PPP2CA: variants seen among roughly 807,000 people sequenced by gnomAD.
PPP2CA encodes the protein serine/threonine-protein phosphatase 2A catalytic subunit alpha isoform.
PPP2CA carries 5 observed loss-of-function variants against 38.8 expected under a neutral mutation model. That is an observed-to-expected ratio of 0.13 (90% CI 0.07 to 0.27). The LOEUF is 0.27. Ranked by LOEUF, PPP2CA falls within the 10% of genes least tolerant of loss-of-function variation. The pLI is 1.00. For synonymous variants in PPP2CA, 152 were observed against 134.0 expected (o/e 1.13, Z -0.93); for missense variants, 88 against 389.7 (o/e 0.23, Z 6.52).
chr5:134,200,154 A>C (rs1200320604), intron 5 of PPP2CA, among the ~76,000 whole-genome samples, 181 bp downstream of exon 5: 2 of 152,282 alleles, frequency 1.3e-5, no homozygotes, highest in Non-Finnish European at 2.9e-5. Flanking sequence ...ATTGTAATCA[A>C]AAGCTTGAGC....
intron 1 of PPP2CA, among the ~76,000 whole-genome samples, chr5:134,220,317 G>A (rs772549913): frequency 1.3e-4 from 19 of 151,500 alleles, no homozygotes; most frequent in Non-Finnish European, 2.5e-4. Flanking sequence ...AAATTAGCTG[G>A]GTGTGGTGGC....
intron 1 of PPP2CA, among the ~76,000 whole-genome samples, chr5:134,215,593 TAAAAATAAAAAA>T (rs927447223): frequency 4.0e-5 from 6 of 151,558 alleles, no homozygotes; most frequent in African/African-American, 1.5e-4. Flanking sequence ...AAAATAAAAA[TAAAAATAAAAAA>T]GTAAAAATTT....
chr5:134,222,443 A>C (rs921591816), intron 1 of PPP2CA, among the ~76,000 whole-genome samples: 24 of 152,220 alleles, frequency 1.6e-4, no homozygotes, highest in Non-Finnish European at 8.8e-5. Flanking sequence ...CTCACGTAAC[A>C]AATGTTAAAA....
At chr5:134,214,600 T>C (rs1762278146) in intron 1 of PPP2CA, among the ~76,000 whole-genome samples, 1 of 152,242 alleles carries the variant, frequency 6.6e-6, no homozygotes, top group South Asian at 2.1e-4. Context: ...TTTTCATTTC[T>C]GAGTACAAAC....
chr5:134,220,225 G>A (rs1463178036), intron 1 of PPP2CA, among the ~76,000 whole-genome samples: 1 of 151,708 alleles, frequency 6.6e-6, no homozygotes, highest in African/African-American at 2.4e-5. Flanking sequence ...TTGGGAGGCT[G>A]AGATGGGTGG....
Position 134,196,452 on chromosome 5 carries a change from TG to T in PPP2CA, c.*1319del, listed in dbSNP as rs1313153038. On this transcript the variant is annotated 3_prime_UTR_variant, in exon 7 of 7. Transcript: ENST00000481195. Reference sequence around the variant, plus strand: ...ACACTGCCACTTTAAGTACCATTTTTGTCTTCGGGTGAATGTACATAAGACT... The same window carrying T: ...ACACTGCCACTTTAAGTACCATTTTTTCTTCGGGTGAATGTACATAAGACT... The T allele has an allele frequency of 6.6e-6, 1 of 152,226 alleles. No individual in the cohort carries two copies. Among genetic ancestry groups the T allele is most frequent in the Non-Finnish European group, 1.5e-5 (1 of 68,032 alleles). 9.4% of individuals were successfully genotyped at this position (152,226 alleles called of 1,614,324 possible). A position where few individuals can be genotyped will look rare whatever the true frequency, so the allele number is the denominator to read the frequency against.
chr5:134,198,960 G>C, intron 6 of PPP2CA, 126 bp downstream of exon 6: 1 of 707,638 alleles, frequency 1.4e-6, no homozygotes, highest in Non-Finnish European at 2.4e-6. Flanking sequence ...AAGGTGAAAG[G>C]ATCACTTCAG....
At chr5:134,220,746 C>T (rs1219467390) in intron 1 of PPP2CA, among the ~76,000 whole-genome samples, 3 of 152,208 alleles carry the variant, frequency 2.0e-5, no homozygotes, top group Admixed American at 6.5e-5. Flanking sequence ...TCACAGGTAA[C>T]TCTGACAAAC....
intron 2 of PPP2CA, 83 bp from the exon 3 acceptor site, chr5:134,202,104 T>C (rs1580637847): frequency 7.2e-7 from 1 of 1,381,188 alleles, no homozygotes; most frequent in African/African-American, 1.5e-5. Flanking sequence ...TAGAAAAAAA[T>C]GCAGTTACAA....
intron 1 of PPP2CA, among the ~76,000 whole-genome samples, chr5:134,206,688 C>T (rs1242301794): frequency 6.6e-6 from 1 of 152,118 alleles, no homozygotes; most frequent in Admixed American, 6.5e-5. Context: ...GACGGGGTCT[C>T]ACGTGATCCT....
chr5:134,215,173 T>C (rs1258278842), intron 1 of PPP2CA, among the ~76,000 whole-genome samples: 2 of 151,902 alleles, frequency 1.3e-5, no homozygotes, highest in Non-Finnish European at 2.9e-5. Flanking sequence ...TCACAGCTCA[T>C]TGCAGTCTAG....
Position 134,222,772 on chromosome 5 carries a change from G to C in PPP2CA, c.102+2988C>G, listed in dbSNP as rs556707397. 2.6e-5 allele frequency among the ~76,000 whole-genome samples: 4 copies of C among 152,320 alleles called. No homozygotes were observed. In the East Asian group the frequency reaches 5.8e-4, roughly 22 times the overall value. ...ATTATAGAACTGAGCCTGAGGCAAA[G>C]CTGCACACCAAATTATTAAACTATC... On this transcript the variant is annotated intron_variant, in intron 1 of 6. Coordinates refer to ENST00000481195, the MANE Select transcript of PPP2CA (RefSeq NM_002715.4).
At chr5:134,214,027 G>A (rs1466039413) in intron 1 of PPP2CA, among the ~76,000 whole-genome samples, 1 of 152,132 alleles carries the variant, frequency 6.6e-6, no homozygotes, top group African/African-American at 2.4e-5. Context: ...TACTTGGGAG[G>A]CTGTGGCATG....
intron 1 of PPP2CA, among the ~76,000 whole-genome samples, chr5:134,219,465 G>A (rs61608770): frequency 0.012 from 1,757 of 152,170 alleles, 34 homozygotes; most frequent in African/African-American, 0.038. Context: ...CCCCATCTAG[G>A]ACAAAGGTTT....
chr5:134,224,972 A>C (rs1477587496), intron 1 of PPP2CA, among the ~76,000 whole-genome samples: 1 of 152,268 alleles, frequency 6.6e-6, no homozygotes, highest in African/African-American at 2.4e-5. Flanking sequence ...TTTAAAAATA[A>C]ACGGCAAAAT....
chr5:134,201,812 C>T (rs1424440056), intron 3 of PPP2CA, 36 bp downstream of exon 3: 1 of 1,593,492 alleles, frequency 6.3e-7, no homozygotes, highest in Non-Finnish European at 8.6e-7. Flanking sequence ...AGCAGATTCT[C>T]TGAAATAATC....
intron 5 of PPP2CA, chr5:134,199,483 T>C: frequency 7.1e-6 from 2 of 280,572 alleles, no homozygotes; most frequent in East Asian, 6.7e-5. Flanking sequence ...CACCAAAGAA[T>C]GAAATACTTC....
At chr5:134,212,119 A>AAACAGT (rs1554113092) in intron 1 of PPP2CA, among the ~76,000 whole-genome samples, 10 of 151,450 alleles carry the variant, frequency 6.6e-5, no homozygotes, top group African/African-American at 2.4e-4. Context: ...TCCATCTCAA[A>AAACAGT]AATAGTAATT....
At chr5:134,222,979 A>C (rs1461854798) in intron 1 of PPP2CA, among the ~76,000 whole-genome samples, 2 of 152,218 alleles carry the variant, frequency 1.3e-5, no homozygotes, top group African/African-American at 4.8e-5. Context: ...TAACACTGTT[A>C]ATTGTTGATG....
Sources: gnomAD v4.1 joint callset for allele counts (sites outside exome capture counted in the v4.1 genomes callset) on GRCh38, gnomAD v4.1.1 for gene constraint, MANE v1.5 for transcripts, NCBI Gene and HGNC (gene_info 2026-07-23, HGNC 2026-07-21) for gene names.